PSMF1: variants seen among roughly 807,000 people sequenced by gnomAD.
PSMF1 encodes the protein proteasome inhibitor PI31 subunit.
In PSMF1, 30 loss-of-function variants were observed where a neutral mutation model predicts 29.3. The observed-to-expected ratio is 1.02, with a 90% CI of 0.77 to 1.39. The LOEUF is 1.39. Among genes scored for constraint, PSMF1 ranks in the 40% most tolerant of loss-of-function variants. The probability of loss-of-function intolerance (pLI) is 0.00; values close to 1 mark genes in which losing one functional copy is unlikely to be tolerated. For missense variants in PSMF1, 344 were observed against 357.5 expected (o/e 0.96, Z 0.31); for synonymous variants, 134 against 139.7 (o/e 0.96, Z 0.29).
Position 1,122,328 on chromosome 20 carries a change from C to CG in PSMF1, c.130-3170_130-3169insG, listed in dbSNP as rs2086099732. 2.1e-5 allele frequency among the ~76,000 whole-genome samples: 3 copies of CG among 144,140 alleles called. No homozygotes were observed. In the South Asian group the frequency reaches 6.6e-4, roughly 32 times the overall value. 94.6% of individuals were successfully genotyped at this position (144,140 alleles called of 152,430 possible). On this transcript the variant is annotated intron_variant, in intron 1 of 6. Coordinates refer to ENST00000335877, the MANE Select transcript of PSMF1 (RefSeq NM_006814.5). The stretch of plus-strand genomic sequence containing the variant: ...TTTTTTTTTTTTTAATCCGAGATGT[C>CG]TCACTCTGTCACTCAGGCTAGAGTG...
At chr20:1,145,761 A>G (rs2086441747) in intron 4 of PSMF1, among the ~76,000 whole-genome samples, 1 of 152,246 alleles carries the variant, frequency 6.6e-6, no homozygotes, top group Admixed American at 6.5e-5. Context: ...GAACATGTGG[A>G]TATTCTACTA....
Position 1,140,423 on chromosome 20 carries a change from C to T in PSMF1, c.551+5117C>T, listed in dbSNP as rs888112179. Reference sequence around the variant, plus strand: ...GCAAAAGAATGAAGTTGGGTCCCTTCCTCGATTACCTCTAAATGAATCACA... The same window carrying T: ...GCAAAAGAATGAAGTTGGGTCCCTTTCTCGATTACCTCTAAATGAATCACA... On this transcript the variant is annotated intron_variant, in intron 4 of 6. Coordinates refer to ENST00000335877, the MANE Select transcript of PSMF1 (RefSeq NM_006814.5). Among the ~76,000 whole-genome samples, 3 of 152,128 alleles carry T rather than the reference C, an allele frequency of 2.0e-5. No individual in the cohort carries two copies. In the East Asian group the frequency reaches 5.8e-4, roughly 29 times the overall value.
intron 4 of PSMF1, among the ~76,000 whole-genome samples, chr20:1,144,052 C>T (rs2086417503): frequency 6.6e-6 from 1 of 152,104 alleles, no homozygotes; most frequent in African/African-American, 2.4e-5. Flanking sequence ...GGCACCACTG[C>T]TCTCCAGCCT....
At chr20:1,140,190 C>T (rs1427495975) in intron 4 of PSMF1, among the ~76,000 whole-genome samples, 1 of 152,164 alleles carries the variant, frequency 6.6e-6, no homozygotes, top group African/African-American at 2.4e-5. Context: ...TTCCAGATCC[C>T]TATTTCAAAA....
At chr20:1,126,680 G>A (rs1056089538) in intron 2 of PSMF1, among the ~76,000 whole-genome samples, 4 of 152,082 alleles carry the variant, frequency 2.6e-5, no homozygotes, top group Non-Finnish European at 5.9e-5. Flanking sequence ...TTTGAGACCA[G>A]CCTGGTCAAT....
chr20:1,118,528 A>C, upstream of PSMF1: 1 of 380,468 alleles, frequency 2.6e-6, no homozygotes. Context: ...CCCTGGCGGA[A>C]CCTTTCAGTG....
intron 4 of PSMF1, among the ~76,000 whole-genome samples, chr20:1,148,926 T>G (rs2086490534): frequency 6.6e-6 from 1 of 152,230 alleles, no homozygotes; most frequent in Non-Finnish European, 1.5e-5. Flanking sequence ...AATGATATTT[T>G]CAAAATACAC....
rs1488683823 is a variant in PSMF1, at chr20:1,171,826, A to G, written c.*6746A>G. Among the ~76,000 whole-genome samples the G allele has an allele frequency of 2.0e-5, 3 of 152,194 alleles. No individual in the cohort carries two copies. Among genetic ancestry groups the G allele is most frequent in the Non-Finnish European group, 4.4e-5 (3 of 68,036 alleles). On this transcript the variant is annotated 3_prime_UTR_variant, in exon 7 of 7. Coordinates refer to ENST00000335877, the MANE Select transcript of PSMF1 (RefSeq NM_006814.5). ...CTGGACCTAGGTGTCTTGCCACCCA[A>G]TACAGAGCCCTGCCCTCTCCCTCTC...
intron 4 of PSMF1, among the ~76,000 whole-genome samples, chr20:1,159,421 C>A (rs2086638543): frequency 6.6e-6 from 1 of 152,206 alleles, no homozygotes; most frequent in Non-Finnish European, 1.5e-5. Context: ...TCAGGCCTCC[C>A]AAAGTGCTGC....
rs892587491 is a variant in PSMF1 at position 1,167,078 on chromosome 20, T to G, written c.*1998T>G. 4 of 152,230 alleles carry G rather than the reference T, an allele frequency of 2.6e-5. No homozygotes were observed. The highest frequency in any genetic ancestry group is 2.0e-4 in the Admixed American group (3 of 15,286). The allele number at this position is 152,230 out of a possible 1,614,324, so 9.4% of individuals were successfully genotyped here. ...TCACCTTCAGAATTGGCCATTTTTTTTGTGAGTTTCCTTGCATCAAGGACA... is the reference window on the plus strand; with the variant it reads ...TCACCTTCAGAATTGGCCATTTTTTGTGTGAGTTTCCTTGCATCAAGGACA... On this transcript the variant is annotated 3_prime_UTR_variant, in exon 7 of 7. Coordinates refer to ENST00000335877, the MANE Select transcript of PSMF1 (RefSeq NM_006814.5).
intron 3 of PSMF1, among the ~76,000 whole-genome samples, chr20:1,128,882 GT>G (rs2086194078): frequency 6.6e-6 from 1 of 150,706 alleles, no homozygotes; most frequent in Non-Finnish European, 1.5e-5. Context: ...GCGTTTTTTT[GT>G]TTTGTTTTTT....
In PSMF1 at chr20:1,165,953, T is replaced by C. The variant is rs1337090770; in HGVS notation, c.*873T>C. The C allele has an allele frequency of 7.3e-7, 1 of 1,365,842 alleles. No individual in the cohort carries two copies. The highest frequency in any genetic ancestry group is 3.0e-5 in the Admixed American group (1 of 33,334). The allele number at this position is 1,365,842 out of a possible 1,614,324, so 84.6% of individuals were successfully genotyped here. On this transcript the variant is annotated 3_prime_UTR_variant, in exon 7 of 7. Transcript: ENST00000335877. ...CCAAGCCTATGAAATTGGAGGTGGC[T>C]TTCCTGCTCTAAAGCATTTTGATGT... is the stretch of plus-strand genomic sequence containing the variant.
chr20:1,147,288 A>G (rs951150326), intron 4 of PSMF1, among the ~76,000 whole-genome samples: 1 of 152,146 alleles, frequency 6.6e-6, no homozygotes, highest in African/African-American at 2.4e-5. Context: ...GGACAGCCCT[A>G]CAAGAAGATC....
chr20:1,134,939 C>T (rs1190686262), intron 3 of PSMF1, 182 bp from the exon 4 acceptor site: 3 of 699,576 alleles, frequency 4.3e-6, no homozygotes, highest in South Asian at 1.5e-5. Flanking sequence ...TCAGAGACAG[C>T]GTGGGGCTGT....
At chr20:1,149,566 G>A (rs61048625) in intron 4 of PSMF1, among the ~76,000 whole-genome samples, 23,995 of 152,128 alleles carry the variant, frequency 0.16, 2,082 homozygotes, top group Non-Finnish European at 0.17. Flanking sequence ...CATCCTTTTC[G>A]AGAAAATGTC....
chr20:1,136,540 G>A (rs2086309234), intron 4 of PSMF1, among the ~76,000 whole-genome samples: 1 of 152,120 alleles, frequency 6.6e-6, no homozygotes, highest in East Asian at 1.9e-4. Context: ...GAATTCATAG[G>A]TATTCTAACT....
chr20:1,162,149 T>C (rs1193511625), intron 4 of PSMF1, among the ~76,000 whole-genome samples: 1 of 152,226 alleles, frequency 6.6e-6, no homozygotes, highest in Non-Finnish European at 1.5e-5. Context: ...GTCTTGCCTG[T>C]AGGACCCAGT....
intron 1 of PSMF1, among the ~76,000 whole-genome samples, chr20:1,122,757 C>G (rs1007537889): frequency 6.6e-6 from 1 of 152,194 alleles, no homozygotes; most frequent in Admixed American, 6.5e-5. Context: ...GGTCTGTCCT[C>G]TGTTTACTGG....
chr20:1,142,197 A>G (rs1276217175), intron 4 of PSMF1, among the ~76,000 whole-genome samples: 1 of 152,250 alleles, frequency 6.6e-6, no homozygotes, highest in Non-Finnish European at 1.5e-5. Context: ...ACTGCACTCC[A>G]GCCTGAACGA....
Sources: gnomAD v4.1 joint callset for allele counts (sites outside exome capture counted in the v4.1 genomes callset) on GRCh38, gnomAD v4.1.1 for gene constraint, MANE v1.5 for transcripts, NCBI Gene and HGNC (gene_info 2026-07-23, HGNC 2026-07-21) for gene names.